ALS2: variants seen among roughly 807,000 people sequenced by gnomAD.
ALS2 encodes the protein alsin Rho guanine nucleotide exchange factor ALS2, also known as alsin.
In ALS2, 117 loss-of-function variants were observed where a neutral mutation model predicts 203.4. The ratio of observed to expected loss-of-function variants is 0.58; its 90% confidence interval spans 0.50 to 0.67. The LOEUF is 0.67. Among genes scored for constraint, ALS2 ranks in the 30% least tolerant of loss-of-function variants. ALS2 has a pLI of 0.00. For missense variants in ALS2, 1,715 were observed against 1,989.4 expected (o/e 0.86, Z 2.62); for synonymous variants, 718 against 725.9 (o/e 0.99, Z 0.17).
In ALS2 at chr2:201,754,603, T is replaced by C. The variant is rs573735889; in HGVS notation, c.1540A>G (p.Ser514Gly). ...TRTVVLTPTY[S>G]GEADALLPSL... ...GGCAGGAGCGCATCTGCTTCTCCAC[T>C]GTATGTGGGGGTCAGAACCACTGTC... Residue 514 changes from serine (S) to glycine (G), a missense_variant, in exon 6 of 34, where the codon AGT (serine) becomes GGT (glycine). Physicochemically the swap from Ser to Gly is moderately conservative, Grantham distance 56. Around this residue, in one of 3 missense-constraint regions of ALS2, gnomAD observed 1,227 missense variants for 1,413.5 expected, o/e 0.87. Coordinates refer to ENST00000264276, the MANE Select transcript of ALS2 (RefSeq NM_020919.4). 28 of 1,614,112 alleles carry C rather than the reference T, an allele frequency of 1.7e-5. No individual in the cohort carries two copies. The Admixed American group carries it at 2.0e-4, about 12-fold the overall frequency.
intron 13 of ALS2, among the ~76,000 whole-genome samples, chr2:201,732,562 T>G (rs902236323): frequency 6.6e-6 from 1 of 152,108 alleles, no homozygotes; most frequent in Non-Finnish European, 1.5e-5. Flanking sequence ...AACGAGACTC[T>G]GTCTCAAAAA....
intron 11 of ALS2, among the ~76,000 whole-genome samples, chr2:201,740,251 T>C (rs1024777079): frequency 2.0e-5 from 3 of 152,166 alleles, no homozygotes; most frequent in East Asian, 3.9e-4. Flanking sequence ...CACTTGAGCC[T>C]GGCAGGTCAA....
At chr2:201,741,965 G>T in intron 10 of ALS2, 111 bp from the exon 11 acceptor site, 1 of 991,498 alleles carries the variant, frequency 1.0e-6, no homozygotes, top group Non-Finnish European at 1.5e-6. Flanking sequence ...GTTGCCATGT[G>T]CTCTCAACTA....
Position 201,760,386 on chromosome 2 carries a change from G to C in ALS2, c.1113+495C>G, listed in dbSNP as rs557855920. ...CCCAGTAAGGACCACAGCTATAATTGAAAAAAACTGAAACATGTAATTGCC... is the reference window on the plus strand; with the variant it reads ...CCCAGTAAGGACCACAGCTATAATTCAAAAAAACTGAAACATGTAATTGCC... On this transcript the variant is annotated intron_variant, in intron 4 of 33. Transcript: ENST00000264276. 7.1e-6 allele frequency: 7 copies of C among 987,062 alleles called. No homozygotes were observed. The East Asian group carries it at 3.4e-4, about 48-fold the overall frequency. 61.1% of individuals were successfully genotyped at this position (987,062 alleles called of 1,614,324 possible). A position where few individuals can be genotyped will look rare whatever the true frequency, so the allele number is the denominator to read the frequency against.
chr2:201,734,460 C>A (rs563397038), intron 12 of ALS2, among the ~76,000 whole-genome samples: 7 of 127,744 alleles, frequency 5.5e-5, no homozygotes, highest in Admixed American at 3.3e-4. Context: ...GGGTGACCAG[C>A]CTGTCTCAAA....
chr2:201,751,704 GATGTT>G (rs1037211599), intron 7 of ALS2, among the ~76,000 whole-genome samples: 2 of 151,936 alleles, frequency 1.3e-5, no homozygotes, highest in African/African-American at 4.8e-5. Flanking sequence ...TTCCAGTTTT[GATGTT>G]ATGTCTTTTT....
chr2:201,753,310 T>A, intron 6 of ALS2, 68 bp from the exon 7 acceptor site: 3 of 1,257,860 alleles, frequency 2.4e-6, no homozygotes, highest in Non-Finnish European at 2.3e-6. Flanking sequence ...CTTTCTCAAA[T>A]TATAAAGTGC....
rs143734740 is a variant in ALS2 at position 201,738,653 on chromosome 2, G to A, written c.2417+17C>T. The A allele has an allele frequency of 1.1e-4, 170 of 1,609,440 alleles. No individual in the cohort carries two copies. In the African/African-American group the frequency reaches 1.1e-3, roughly 10 times the overall value. Reference sequence around the variant, plus strand: ...TTGGCGGAGAGAATGATAACTGGAAGGTGTGGGTTTGCTTACATGGCAGGC... The same window carrying A: ...TTGGCGGAGAGAATGATAACTGGAAAGTGTGGGTTTGCTTACATGGCAGGC... On this transcript the variant is annotated intron_variant, in intron 12 of 33. Coordinates refer to ENST00000264276, the MANE Select transcript of ALS2 (RefSeq NM_020919.4).
intron 8 of ALS2, among the ~76,000 whole-genome samples, chr2:201,748,672 G>T (rs1357707335): frequency 6.6e-6 from 1 of 152,140 alleles, no homozygotes; most frequent in Non-Finnish European, 1.5e-5. Context: ...TAATGTATCA[G>T]AAACTGAATA....
At chr2:201,769,242 A>G (rs904906169) in intron 1 of ALS2, among the ~76,000 whole-genome samples, 1 of 152,204 alleles carries the variant, frequency 6.6e-6, no homozygotes, top group African/African-American at 2.4e-5. Context: ...TAAAGAAAAA[A>G]GTTCAATCTG....
intron 9 of ALS2, 137 bp downstream of exon 9, chr2:201,746,429 T>C: frequency 2.1e-6 from 2 of 962,086 alleles, no homozygotes; most frequent in South Asian, 1.3e-5. Context: ...TGAAGGGGGC[T>C]TGAAAGGAGT....
chr2:201,738,582 A>G (rs1210463094), intron 12 of ALS2, 88 bp downstream of exon 12: 23 of 1,300,914 alleles, frequency 1.8e-5, no homozygotes, highest in African/African-American at 4.4e-5. Flanking sequence ...ATGAAGTCAA[A>G]GCTTTCCCTG....
In ALS2 at chr2:201,761,262, G is replaced by T; in HGVS notation, c.732C>A (p.Asp244Glu). Residue 244 changes from aspartate (D) to glutamate (E), a missense_variant, in exon 4 of 34, where the codon GAC (aspartate) becomes GAA (glutamate). By Grantham distance (45) the Asp-to-Glu change is conservative (BLOSUM62 2). Coordinates refer to ENST00000264276, the MANE Select transcript of ALS2 (RefSeq NM_020919.4). ...CTGATATAATCACATGGTCTTCTTT[G>T]TCAGTCATAGTAATCAAGAGCTGGC... ...QCSQLLITMT[D>E]KEDHVIISDS... 6.2e-7 allele frequency: 1 copy of T among 1,614,074 alleles called. No individual in the cohort carries two copies. Among genetic ancestry groups the T allele is most frequent in the African/African-American group, 1.3e-5 (1 of 74,976 alleles).
chr2:201,728,573 T>C lies in ALS2; in HGVS notation c.2780A>G (p.His927Arg). Residue 927 changes from histidine (H) to arginine (R), a missense_variant, in exon 15 of 34, where the codon CAT becomes CGT. By Grantham distance (29) the His-to-Arg change is conservative (BLOSUM62 0). Around this residue, in one of 3 missense-constraint regions of ALS2, gnomAD observed 1,227 missense variants for 1,413.5 expected, o/e 0.87. Coordinates refer to ENST00000264276, the MANE Select transcript of ALS2 (RefSeq NM_020919.4). ...CCAATTCACGGAAAACCTCCCAGCA[T>C]GCTGCAGAGACAGGGCTCGGTTACT... ...ESSNRALSLQ[H>R]AGRFSVNWFI... 3.7e-6 allele frequency: 6 copies of C among 1,614,134 alleles called. No individual in the cohort carries two copies. Among genetic ancestry groups the C allele is most frequent in the Non-Finnish European group, 1.7e-6 (2 of 1,180,020 alleles).
At position 201,764,709 on chromosome 2, in the gene ALS2, T is replaced by C. The variant is rs200193194; in HGVS notation, c.175+2520A>G. 1.4e-4 allele frequency among the ~76,000 whole-genome samples: 22 copies of C among 152,084 alleles called. No homozygotes were observed. In the East Asian group the frequency reaches 3.5e-3, roughly 24 times the overall value. The stretch of plus-strand genomic sequence containing the variant: ...AAAGTGAATCAATGAGGTATCTTCA[T>C]TGAATTATGAGCTAATGGTCATATT... On this transcript the variant is annotated intron_variant, in intron 3 of 33. Transcript: ENST00000264276.
intron 5 of ALS2, among the ~76,000 whole-genome samples, chr2:201,756,398 AAG>A (rs767170972): frequency 6.6e-6 from 1 of 152,074 alleles, no homozygotes; most frequent in Admixed American, 6.6e-5. Context: ...AGAGTGGCAC[AAG>A]AGTGTTCAGT....
At position 201,744,317 on chromosome 2, in the gene ALS2, C is replaced by A. The variant is rs200088152; in HGVS notation, c.2111G>T (p.Arg704Leu). The change falls in exon 10 of 34, where the codon CGA becomes CTA. Residue 704 changes from arginine to leucine, a missense_variant. Physicochemically the swap from Arg to Leu is moderately radical, Grantham distance 102. Transcript: ENST00000264276. The part of the protein sequence containing the change: ...SLHELATTER[R>L]FYSKLSDIKS... The stretch of plus-strand genomic sequence containing the variant: ...GATATCACTTAGTTTTGAATAGAAT[C>A]GTCTTTCTGTAGTAGCTAACTCGTG... 3 of 1,614,104 alleles carry A rather than the reference C, an allele frequency of 1.9e-6. No homozygotes were observed. The highest frequency in any genetic ancestry group is 2.5e-6 in the Non-Finnish European group (3 of 1,180,008).
At chr2:201,726,372 A>G (rs1691163247) in intron 19 of ALS2, 112 bp downstream of exon 19, 5 of 1,023,212 alleles carry the variant, frequency 4.9e-6, no homozygotes, top group Non-Finnish European at 7.6e-6. Context: ...TTTCTAAAAA[A>G]TAACAACAAA....
At chr2:201,738,839 T>C (rs1173030678) in intron 11 of ALS2, 104 bp from the exon 12 acceptor site, 8 of 1,029,922 alleles carry the variant, frequency 7.8e-6, no homozygotes, top group African/African-American at 1.6e-5. Context: ...ATTTCACCAA[T>C]GAATTTCAGA....
Sources: allele counts gnomAD v4.1 joint callset (sites outside exome capture counted in the v4.1 genomes callset), GRCh38; gene constraint gnomAD v4.1.1; regional missense constraint gnomAD v4.1.1; transcripts MANE v1.5; gene names NCBI Gene and HGNC (gene_info 2026-07-23, HGNC 2026-07-21).